THSD4: variants seen among roughly 807,000 people sequenced by gnomAD.
THSD4 encodes the protein thrombospondin type-1 domain-containing protein 4.
THSD4 carries 69 observed loss-of-function variants against 119.0 expected under a neutral mutation model. That is an observed-to-expected ratio of 0.58 (90% CI 0.48 to 0.71). The LOEUF is 0.71. Ranked by LOEUF, THSD4 falls within the 30% of genes least tolerant of loss-of-function variation. THSD4 has a pLI of 0.00. For synonymous variants in THSD4, 524 were observed against 540.4 expected, an observed-to-expected ratio of 0.97 and a Z score of 0.42; for missense variants, 1,393 against 1,391.1, an observed-to-expected ratio of 1.00 and a Z score of -0.02.
At chr15:71,746,515 C>T (rs944506283) in intron 12 of THSD4, among the ~76,000 whole-genome samples, 8 of 152,176 alleles carry the variant, frequency 5.3e-5, no homozygotes, top group Admixed American at 6.5e-5. Context: ...TGACCTCAGC[C>T]TCCCGAGTAG....
chr15:71,546,702 G>A (rs918473474), intron 7 of THSD4, among the ~76,000 whole-genome samples: 8 of 152,276 alleles, frequency 5.3e-5, no homozygotes, highest in Admixed American at 2.6e-4. Flanking sequence ...GTTCCCATCC[G>A]TTTGTGTCTA....
At chr15:71,763,378 A>G (rs1238546594) in intron 15 of THSD4, among the ~76,000 whole-genome samples, 1 of 108,564 alleles carries the variant, frequency 9.2e-6, no homozygotes, top group East Asian at 2.9e-4. Context: ...AAAGTCTATA[A>G]TAAAGTACAT....
intron 6 of THSD4, among the ~76,000 whole-genome samples, chr15:71,389,817 T>TTTTTTTTTTTTTG: frequency 7.7e-6 from 1 of 129,990 alleles, no homozygotes; most frequent in Non-Finnish European, 1.7e-5. Flanking sequence ...GTTGTTTTTT[T>TTTTTTTTTTTTTG]TTTTTTTTTT....
Position 71,760,258 on chromosome 15 carries a change from A to G in THSD4, c.2589+2183A>G, listed in dbSNP as rs539328324. Among the ~76,000 whole-genome samples the G allele has an allele frequency of 3.4e-4, 52 of 152,308 alleles. 2 individuals are homozygous for G. In the South Asian group the frequency reaches 1.0e-2, roughly 29 times the overall value. On this transcript the variant is annotated intron_variant, in intron 15 of 17. Coordinates refer to ENST00000261862, the MANE Select transcript of THSD4 (RefSeq NM_024817.3). ...CATTTGTGTTTTAGGGAAGAGACTC[A>G]CTAAGAGGTTGTGAGCTCAAGGGCT...
intron 8 of THSD4, among the ~76,000 whole-genome samples, chr15:71,671,934 G>A (rs1363276508): frequency 6.6e-6 from 1 of 152,166 alleles, no homozygotes; most frequent in Non-Finnish European, 1.5e-5. Context: ...CTCCAGCTTT[G>A]TTCTTTTGGC....
At chr15:71,471,788 G>T (rs142566169) in intron 7 of THSD4, among the ~76,000 whole-genome samples, 1 of 152,160 alleles carries the variant, frequency 6.6e-6, no homozygotes, top group Non-Finnish European at 1.5e-5. Flanking sequence ...ATCATCCATA[G>T]TGCTCAATCA....
At chr15:71,168,736 C>T (rs1464670933) in intron 3 of THSD4, among the ~76,000 whole-genome samples, 2 of 152,028 alleles carry the variant, frequency 1.3e-5, no homozygotes, top group African/African-American at 4.8e-5. Flanking sequence ...TCAAATTGCC[C>T]CTTGACAATG....
intron 8 of THSD4, among the ~76,000 whole-genome samples, chr15:71,676,878 C>G (rs1198329397): frequency 1.3e-5 from 2 of 152,182 alleles, no homozygotes; most frequent in Non-Finnish European, 2.9e-5. Context: ...CTGTTTCTCT[C>G]TTTTGGTTAT....
chr15:71,282,322 TAA>T (rs2140315088), intron 6 of THSD4, among the ~76,000 whole-genome samples: 2 of 152,292 alleles, frequency 1.3e-5, no homozygotes, highest in East Asian at 3.9e-4. Context: ...GTGCTTGGAT[TAA>T]AAGTGTTCTC....
chr15:71,130,858 C>T (rs1380472587), intron 1 of THSD4, among the ~76,000 whole-genome samples: 2 of 152,194 alleles, frequency 1.3e-5, no homozygotes, highest in East Asian at 1.9e-4. Flanking sequence ...CATTCTCCTG[C>T]CTCAGTCTCC....
At chr15:71,099,397 C>T (rs2040244827) in intron 1 of THSD4, among the ~76,000 whole-genome samples, 1 of 152,144 alleles carries the variant, frequency 6.6e-6, no homozygotes, top group Non-Finnish European at 1.5e-5. Context: ...ATGGGCTTGT[C>T]ATTTCTCCAT....
chr15:71,226,127 A>C (rs2044016599), intron 4 of THSD4, among the ~76,000 whole-genome samples: 1 of 152,112 alleles, frequency 6.6e-6, no homozygotes, highest in South Asian at 2.1e-4. Context: ...TATGGGAGTC[A>C]CTTAATGTAA....
Position 71,202,986 on chromosome 15 carries a change from G to A in THSD4, c.100-12049G>A, listed in dbSNP as rs143874308. ...GGGAGCTCACATTGCTGGTGGGGAC[G>A]TAGCTGTGTACAAAGATAATGACAG... On this transcript the variant is annotated intron_variant, in intron 3 of 17. Transcript: ENST00000261862. Among the ~76,000 whole-genome samples, 70 of 152,310 alleles carry A rather than the reference G, an allele frequency of 4.6e-4. 1 individual carries two copies. The Middle Eastern group carries it at 0.024, about 52-fold the overall frequency.
chr15:71,543,521 A>G (rs577020553), intron 7 of THSD4, among the ~76,000 whole-genome samples: 4 of 152,184 alleles, frequency 2.6e-5, no homozygotes, highest in Non-Finnish European at 4.4e-5. Context: ...GAGTGGGAAG[A>G]CCCTGTTGTC....
At chr15:71,747,176 G>T in intron 13 of THSD4, 134 bp downstream of exon 13, 1 of 1,034,572 alleles carries the variant, frequency 9.7e-7, no homozygotes, top group Non-Finnish European at 1.4e-6. Context: ...GGGTCTGGAC[G>T]GCTGTTTTTG....
intron 15 of THSD4, among the ~76,000 whole-genome samples, chr15:71,764,428 G>T (rs2053680429): frequency 6.6e-6 from 1 of 152,258 alleles, no homozygotes; most frequent in South Asian, 2.1e-4. Context: ...CCATGGTGCA[G>T]ATTTCAGCAC....
chr15:71,221,736 A>G (rs915159862), intron 4 of THSD4, among the ~76,000 whole-genome samples: 1 of 152,194 alleles, frequency 6.6e-6, no homozygotes, highest in African/African-American at 2.4e-5. Context: ...ACTGCTATGA[A>G]CATGGGTGTT....
chr15:71,602,253 C>T (rs773183698), intron 7 of THSD4, among the ~76,000 whole-genome samples: 15 of 152,202 alleles, frequency 9.9e-5, no homozygotes, highest in Non-Finnish European at 1.8e-4. Context: ...ATGATGTAGA[C>T]ATTTTGAAAA....
intron 4 of THSD4, 123 bp downstream of exon 4, chr15:71,215,522 G>C (rs1457312384): frequency 2.8e-5 from 30 of 1,067,972 alleles, no homozygotes; most frequent in Non-Finnish European, 3.6e-5. Flanking sequence ...TGCTCTGCCA[G>C]GTGGCAAGGA....
Sources: allele counts gnomAD v4.1 joint callset (sites outside exome capture counted in the v4.1 genomes callset), GRCh38; gene constraint gnomAD v4.1.1; transcripts MANE v1.5; gene names NCBI Gene and HGNC (gene_info 2026-07-23, HGNC 2026-07-21).